TP53INP1: variants seen among roughly 807,000 people sequenced by gnomAD.
TP53INP1 encodes tumor protein p53-inducible nuclear protein 1.
Under a neutral mutation model 21.0 loss-of-function variants are expected in TP53INP1, and 12 were observed. The observed-to-expected ratio is 0.57, with a 90% CI of 0.37 to 0.93. The LOEUF is 0.93. Among genes scored for constraint, TP53INP1 ranks in the 40% least tolerant of loss-of-function variants. The pLI is 0.01. For synonymous variants in TP53INP1, 91 were observed against 94.8 expected (o/e 0.96, Z 0.23); for missense variants, 274 against 294.7 (o/e 0.93, Z 0.51).
intron 3 of TP53INP1, among the ~76,000 whole-genome samples, chr8:94,933,073 C>T (rs1820583384): frequency 6.6e-6 from 1 of 152,018 alleles, no homozygotes; most frequent in Non-Finnish European, 1.5e-5. Flanking sequence ...AAAAAATTAG[C>T]TGGAGATGGT....
chr8:94,930,829 A>G, intron 3 of TP53INP1, 101 bp from the exon 4 acceptor site: 1 of 1,292,146 alleles, frequency 7.7e-7, no homozygotes, highest in Non-Finnish European at 1.1e-6. Flanking sequence ...TAATTTGTTT[A>G]TGGCTGAATG....
intron 3 of TP53INP1, among the ~76,000 whole-genome samples, chr8:94,936,336 A>C (rs888134537): frequency 5.9e-5 from 9 of 152,182 alleles, no homozygotes; most frequent in Non-Finnish European, 1.0e-4. Context: ...GGACACACCC[A>C]CAAGCAGGGA....
At position 94,930,375 on chromosome 8, in the gene TP53INP1, G is replaced by GTT; in HGVS notation, c.*102_*103dup. On this transcript the variant is annotated 3_prime_UTR_variant, in exon 4 of 4. Transcript: ENST00000342697. ...ATACACTGATAAAACTATGTGATTGGTTATCAATTGGTTGTAAAGAGACAA... is the reference window on the plus strand; with the variant it reads ...ATACACTGATAAAACTATGTGATTGGTTTTATCAATTGGTTGTAAAGAGACAA... 2.0e-6 allele frequency: 3 copies of GTT among 1,464,092 alleles called. No individual in the cohort carries two copies. The highest frequency in any genetic ancestry group is 2.8e-6 in the Non-Finnish European group (3 of 1,074,436). The allele number at this position is 1,464,092 out of a possible 1,614,324, so 90.7% of individuals were successfully genotyped here.
intron 3 of TP53INP1, among the ~76,000 whole-genome samples, chr8:94,931,607 C>CATAT (rs1393122525): frequency 1.7e-4 from 25 of 149,716 alleles, no homozygotes; most frequent in Admixed American, 4.6e-4. Flanking sequence ...CACACACACA[C>CATAT]ACATAAAATT....
intron 3 of TP53INP1, among the ~76,000 whole-genome samples, chr8:94,931,587 T>TACACACACAC (rs557721378): frequency 1.6e-3 from 113 of 68,630 alleles, no homozygotes; most frequent in African/African-American, 3.6e-3. Context: ...ACATATTTAT[T>TACACACACAC]ACACACACAC....
intron 3 of TP53INP1, 150 bp downstream of exon 3, chr8:94,939,710 T>TA (rs1563730239): frequency 8.7e-7 from 1 of 1,146,748 alleles, no homozygotes; most frequent in East Asian, 2.5e-5. Context: ...CAAGTTATCT[T>TA]ACGGACCATC....
intron 3 of TP53INP1, 52 bp downstream of exon 3, chr8:94,939,807 CA>C (rs1159436019): frequency 1.9e-6 from 3 of 1,567,582 alleles, no homozygotes; most frequent in Non-Finnish European, 1.7e-6. Flanking sequence ...ACAGTAGAGA[CA>C]AAATGCATGC....
intron 3 of TP53INP1, chr8:94,932,204 G>A (rs1343104855): frequency 1.5e-6 from 2 of 1,348,230 alleles, no homozygotes; most frequent in Non-Finnish European, 2.1e-6. Flanking sequence ...TATTAAAACT[G>A]GTTTACTATG....
At position 94,949,286 on chromosome 8, in the gene TP53INP1, C is replaced by CA. The variant is rs1458492536; in HGVS notation, c.-284dup. 6.6e-6 allele frequency: 1 copy of CA among 150,902 alleles called. No individual in the cohort carries two copies. The allele number at this position is 150,902 out of a possible 1,614,324, so 9.3% of individuals were successfully genotyped here. A position where few individuals can be genotyped will look rare whatever the true frequency, so the allele number is the denominator to read the frequency against. ...CTGCGCTGCACCTCGTTCAGGTACC[C>CA]AGACGGCAGGCGCGGGGCCGGCTCC... On this transcript the variant is annotated 5_prime_UTR_variant, in exon 1 of 4. Transcript: ENST00000342697.
intron 2 of TP53INP1, 22 bp from the exon 3 acceptor site, chr8:94,940,242 A>G: frequency 6.3e-7 from 1 of 1,579,812 alleles, no homozygotes; most frequent in Non-Finnish European, 8.6e-7. Flanking sequence ...TCCACATTGC[A>G]GTCCACATGT....
chr8:94,939,954 G>C lies in TP53INP1; in HGVS notation c.379C>G (p.Pro127Ala). ...TGCACAGCATAGACAGACATGCTGGGATGTTCAATGAGAAGGTTTTCCATA... is the reference window on the plus strand; with the variant it reads ...TGCACAGCATAGACAGACATGCTGGCATGTTCAATGAGAAGGTTTTCCATA... ...SPMENLLIEHPSMSVYAVHNS... is the reference protein window; with the variant it reads ...SPMENLLIEHASMSVYAVHNS... The change falls in exon 3 of 4, where the codon CCC (proline) becomes GCC (alanine). Residue 127 changes from proline to alanine, a missense_variant. By Grantham distance (27) the Pro-to-Ala change is conservative. Transcript: ENST00000342697. 6.2e-7 allele frequency: 1 copy of C among 1,614,158 alleles called. No individual in the cohort carries two copies. The highest frequency in any genetic ancestry group is 8.5e-7 in the Non-Finnish European group (1 of 1,180,024).
intron 1 of TP53INP1, among the ~76,000 whole-genome samples, chr8:94,948,807 G>A (rs1322492742): frequency 1.3e-5 from 2 of 152,056 alleles, no homozygotes; most frequent in African/African-American, 4.8e-5. Flanking sequence ...GTCCCGCCGC[G>A]GCCAAGAAAA....
chr8:94,926,170 T>C lies in TP53INP1; in HGVS notation c.*4309A>G, dbSNP rs1819873274. ...TCTATGAACCAATCAGTATAAAAAA[T>C]TTCTATAAAAACAAAATTTAGACCG... is the stretch of plus-strand genomic sequence containing the variant. On this transcript the variant is annotated 3_prime_UTR_variant, in exon 4 of 4. Coordinates refer to ENST00000342697, the MANE Select transcript of TP53INP1 (RefSeq NM_033285.4). The C allele has an allele frequency of 6.6e-6, 1 of 152,516 alleles. No homozygotes were observed. Among genetic ancestry groups the C allele is most frequent in the Admixed American group, 6.6e-5 (1 of 15,264 alleles). 9.4% of individuals were successfully genotyped at this position (152,516 alleles called of 1,614,324 possible). A position where few individuals can be genotyped will look rare whatever the true frequency, so the allele number is the denominator to read the frequency against.
intron 3 of TP53INP1, among the ~76,000 whole-genome samples, chr8:94,933,786 A>G (rs1302951094): frequency 1.6e-5 from 2 of 127,864 alleles, no homozygotes; most frequent in African/African-American, 2.8e-5. Context: ...AAAAAAACCA[A>G]CTATACATCT....
chr8:94,930,423 A>G lies in TP53INP1; in HGVS notation c.*56T>C. ...CAACATTTTCACTGTACATATACAC[A>G]CATCCATACATGTAAGCACAAACCA... On this transcript the variant is annotated 3_prime_UTR_variant, in exon 4 of 4. Coordinates refer to ENST00000342697, the MANE Select transcript of TP53INP1 (RefSeq NM_033285.4). 6.2e-7 allele frequency: 1 copy of G among 1,602,932 alleles called. No homozygotes were observed.
chr8:94,940,823 A>G lies in TP53INP1; in HGVS notation c.112+7T>C. The G allele has an allele frequency of 1.2e-6, 2 of 1,603,446 alleles. No individual in the cohort carries two copies. Among genetic ancestry groups the G allele is most frequent in the Non-Finnish European group, 1.7e-6 (2 of 1,172,086 alleles). On this transcript the variant is annotated splice_region_variant and intron_variant, in intron 2 of 3. Transcript: ENST00000342697. The stretch of plus-strand genomic sequence containing the variant: ...GATGAACCACCAAGTAACCAAGTGT[A>G]CCTTACCTATGAAGTCAACAAGAAT...
At chr8:94,931,509 A>AT (rs1382147401) in intron 3 of TP53INP1, among the ~76,000 whole-genome samples, 3 of 152,110 alleles carry the variant, frequency 2.0e-5, no homozygotes, top group Non-Finnish European at 4.4e-5. Context: ...GAGCTGTATG[A>AT]TTTTTAAGAG....
At position 94,933,886 on chromosome 8, in the gene TP53INP1, C is replaced by T. The variant is rs1459973096; in HGVS notation, c.474-3158G>A. Among the ~76,000 whole-genome samples the T allele has an allele frequency of 2.2e-5, 3 of 133,874 alleles. No homozygotes were observed. The Admixed American group carries it at 2.5e-4, about 11-fold the overall frequency. 87.8% of individuals were successfully genotyped at this position (133,874 alleles called of 152,430 possible). A position where few individuals can be genotyped will look rare whatever the true frequency, so the allele number is the denominator to read the frequency against. On this transcript the variant is annotated intron_variant, in intron 3 of 3. Coordinates refer to ENST00000342697, the MANE Select transcript of TP53INP1 (RefSeq NM_033285.4). ...AGGAGTTCAAGACCAGCCTGGCCAA[C>T]ATGGTGAAGCCCCGTCTCTACTAAA... is the stretch of plus-strand genomic sequence containing the variant.
chr8:94,945,588 G>C (rs906790396), intron 1 of TP53INP1: 11 of 152,318 alleles, frequency 7.2e-5, no homozygotes, highest in African/African-American at 2.6e-4. Context: ...CCCAGGGATG[G>C]AGGCTCTCAA....
Sources: gnomAD v4.1 joint callset for allele counts (sites outside exome capture counted in the v4.1 genomes callset) on GRCh38, gnomAD v4.1.1 for gene constraint, MANE v1.5 for transcripts, NCBI Gene and HGNC (gene_info 2026-07-23, HGNC 2026-07-21) for gene names.